Variants in PAIP2B observed in about 807,000 individuals in gnomAD.
PAIP2B encodes poly(A) binding protein interacting protein 2B, also known as polyadenylate-binding protein-interacting protein 2B.
PAIP2B carries 13 observed loss-of-function variants against 17.0 expected under a neutral mutation model. The observed-to-expected ratio is 0.76, with a 90% confidence interval of 0.50 to 1.22. The LOEUF is 1.22. PAIP2B is among the 50% of genes most tolerant of loss of function. PAIP2B has a pLI of 0.00. For synonymous variants in PAIP2B, 43 were observed against 48.7 expected (o/e 0.88, Z 0.48); for missense variants, 117 against 144.5 (o/e 0.81, Z 0.98).
chr2:71,206,218 G>T (rs753887152), intron 1 of PAIP2B, among the ~76,000 whole-genome samples: 1 of 152,184 alleles, frequency 6.6e-6, no homozygotes, highest in Non-Finnish European at 1.5e-5. Flanking sequence ...GAAGACAAAT[G>T]TGCAATTTGA....
At chr2:71,189,586 A>G (rs1674630293) in intron 3 of PAIP2B, among the ~76,000 whole-genome samples, 3 of 152,222 alleles carry the variant, frequency 2.0e-5, no homozygotes, top group Admixed American at 2.0e-4. Context: ...AGCCCATTAG[A>G]AAGTAAAGGT....
chr2:71,198,870 T>C (rs906085622), intron 2 of PAIP2B, among the ~76,000 whole-genome samples: 11 of 152,248 alleles, frequency 7.2e-5, no homozygotes, highest in Non-Finnish European at 1.2e-4. Flanking sequence ...ACTGCCTATT[T>C]TGTCTTTCAG....
chr2:71,194,350 G>A (rs1674761805), intron 2 of PAIP2B, among the ~76,000 whole-genome samples: 1 of 152,094 alleles, frequency 6.6e-6, no homozygotes, highest in African/African-American at 2.4e-5. Context: ...CTATCCATGA[G>A]CATGGGATGT....
chr2:71,188,105 G>A lies in PAIP2B; in HGVS notation c.*374C>T, dbSNP rs1169501867. ...TCCAGGTGCTCACTGTCCCTGATAA[G>A]TATACAGCAGGGTGAGAGGGGCATT... On this transcript the variant is annotated 3_prime_UTR_variant, in exon 4 of 4. Coordinates refer to ENST00000244221, the MANE Select transcript of PAIP2B (RefSeq NM_020459.1). 4.9e-6 allele frequency: 1 copy of A among 204,980 alleles called. No homozygotes were observed. Among genetic ancestry groups the A allele is most frequent in the East Asian group, 1.2e-4 (1 of 8,134 alleles). 12.7% of individuals were successfully genotyped at this position (204,980 alleles called of 1,614,324 possible).
chr2:71,188,342 A>G lies in PAIP2B; in HGVS notation c.*137T>C. ...CTGAGCATATTAGTTACTCAGAGTC[A>G]CAGTATTGTGAGACCACCACTCCCC... On this transcript the variant is annotated 3_prime_UTR_variant, in exon 4 of 4. Coordinates refer to ENST00000244221, the MANE Select transcript of PAIP2B (RefSeq NM_020459.1). The G allele has an allele frequency of 1.5e-6, 1 of 669,830 alleles. No homozygotes were observed. Among genetic ancestry groups the G allele is most frequent in the Non-Finnish European group, 2.6e-6 (1 of 379,282 alleles). The allele number at this position is 669,830 out of a possible 1,614,324, so 41.5% of individuals were successfully genotyped here.
intron 2 of PAIP2B, among the ~76,000 whole-genome samples, chr2:71,193,529 T>C (rs1237008140): frequency 6.6e-6 from 1 of 152,204 alleles, no homozygotes; most frequent in Non-Finnish European, 1.5e-5. Flanking sequence ...TCCAGGATGG[T>C]ATTGCCTAGG....
Position 71,213,941 on chromosome 2 carries a change from C to T in PAIP2B, c.-11-11341G>A, listed in dbSNP as rs939821774. 1.1e-4 allele frequency among the ~76,000 whole-genome samples: 16 copies of T among 152,276 alleles called. No individual in the cohort carries two copies. The East Asian group carries it at 2.5e-3, about 24-fold the overall frequency. On this transcript the variant is annotated intron_variant, in intron 1 of 3. Transcript: ENST00000244221. ...TCTCTCTTTTAATCTTCATAACAAT[C>T]CCACAAGGCAGGGACTGTTAGTCTC...
intron 1 of PAIP2B, among the ~76,000 whole-genome samples, chr2:71,218,416 TAA>T (rs1675488218): frequency 6.6e-6 from 1 of 151,948 alleles, no homozygotes; most frequent in South Asian, 2.1e-4. Context: ...ATAAGCATAT[TAA>T]AAAGACTCAA....
intron 1 of PAIP2B, among the ~76,000 whole-genome samples, chr2:71,217,553 C>A (rs1181829128): frequency 6.6e-6 from 1 of 152,222 alleles, no homozygotes; most frequent in Non-Finnish European, 1.5e-5. Flanking sequence ...AAAGCCTCTA[C>A]CCAGGCAAAG....
intron 1 of PAIP2B, among the ~76,000 whole-genome samples, chr2:71,225,818 A>C (rs1337049191): frequency 2.0e-5 from 3 of 152,208 alleles, no homozygotes; most frequent in Non-Finnish European, 4.4e-5. Context: ...CGAATATACT[A>C]TGAAGGTGAA....
At chr2:71,211,334 A>G (rs534591267) in intron 1 of PAIP2B, among the ~76,000 whole-genome samples, 1 of 152,106 alleles carries the variant, frequency 6.6e-6, no homozygotes, top group African/African-American at 2.4e-5. Context: ...TCTTAGGAGT[A>G]TATAGAATCA....
intron 1 of PAIP2B, among the ~76,000 whole-genome samples, chr2:71,204,694 T>C (rs1675078668): frequency 6.6e-6 from 1 of 152,166 alleles, no homozygotes. Flanking sequence ...AATAATTTCA[T>C]AAGCTATAGA....
chr2:71,187,458 T>G lies in PAIP2B; in HGVS notation c.*1021A>C, dbSNP rs1290202933. On this transcript the variant is annotated 3_prime_UTR_variant, in exon 4 of 4. Transcript: ENST00000244221. ...AAATATCCAAACTGTGAACTGAGCT[T>G]CTTACTAGTGTCCTGAAAAATATTT... 3 of 152,208 alleles carry G rather than the reference T, an allele frequency of 2.0e-5. No individual in the cohort carries two copies. The highest frequency in any genetic ancestry group is 2.0e-4 in the Admixed American group (3 of 15,280). 9.4% of individuals were successfully genotyped at this position (152,208 alleles called of 1,614,324 possible).
chr2:71,208,401 T>A (rs1675194107), intron 1 of PAIP2B, among the ~76,000 whole-genome samples: 1 of 150,678 alleles, frequency 6.6e-6, no homozygotes, highest in South Asian at 2.1e-4. Flanking sequence ...CCAGACTGGG[T>A]GATGGAGCGA....
In PAIP2B at chr2:71,220,161, C is replaced by T. The variant is rs550932571; in HGVS notation, c.-12+6767G>A. Among the ~76,000 whole-genome samples, 234 of 152,296 alleles carry T rather than the reference C, an allele frequency of 1.5e-3. 1 individual carries two copies. The highest frequency in any genetic ancestry group is 5.2e-3 in the African/African-American group (215 of 41,560). ...CACCTACACACACCAAATTCATTTC[C>T]GAAGGTGCCTCTCATGAGGCCTCTA... is the stretch of plus-strand genomic sequence containing the variant. On this transcript the variant is annotated intron_variant, in intron 1 of 3. Transcript: ENST00000244221.
intron 2 of PAIP2B, among the ~76,000 whole-genome samples, chr2:71,193,576 C>T (rs1320113621): frequency 6.6e-6 from 1 of 152,052 alleles, no homozygotes; most frequent in African/African-American, 2.4e-5. Flanking sequence ...GGGTTTTAGC[C>T]AGGTGCAGTG....
At chr2:71,210,946 A>G (rs1675278246) in intron 1 of PAIP2B, among the ~76,000 whole-genome samples, 1 of 152,140 alleles carries the variant, frequency 6.6e-6, no homozygotes, top group Non-Finnish European at 1.5e-5. Flanking sequence ...CTGAAATAGG[A>G]TTAAGAATGC....
At chr2:71,203,011 C>G (rs1053976298) in intron 1 of PAIP2B, among the ~76,000 whole-genome samples, 2 of 152,106 alleles carry the variant, frequency 1.3e-5, no homozygotes, top group Non-Finnish European at 2.9e-5. Context: ...TTCTAATTCT[C>G]AAGCTGTTTT....
chr2:71,207,745 T>G (rs1675172617), intron 1 of PAIP2B, among the ~76,000 whole-genome samples: 1 of 151,738 alleles, frequency 6.6e-6, no homozygotes, highest in African/African-American at 2.4e-5. Context: ...ATGTGGGGAG[T>G]CAGAGTGAGG....
Sources: gnomAD v4.1 joint callset for allele counts (sites outside exome capture counted in the v4.1 genomes callset) on GRCh38, gnomAD v4.1.1 for gene constraint, MANE v1.5 for transcripts, NCBI Gene and HGNC (gene_info 2026-07-23, HGNC 2026-07-21) for gene names.